The following NPHP4 variants were observed in gnomAD, a reference collection of about 807,000 sequenced individuals.
The protein encoded by NPHP4 is nephrocystin 4, also known as nephrocystin-4.
Under a neutral mutation model 155.8 loss-of-function variants are expected in NPHP4, and 151 were observed. That is an observed-to-expected ratio of 0.97 (90% CI 0.85 to 1.11). The LOEUF is 1.11. Among genes scored for constraint, NPHP4 ranks in the 50% least tolerant of loss-of-function variants. NPHP4 has a pLI of 0.00. For missense variants in NPHP4, 1,956 were observed against 1,925.7 expected (o/e 1.02, Z -0.29); for synonymous variants, 845 against 816.8 (o/e 1.03, Z -0.59).
chr1:5,927,725 C>G lies in NPHP4; in HGVS notation c.1365G>C (p.Leu455=). ...FQFSLGSEEH[L]DAPTEPVSGP... ...CACTGACAGGCTCCGTGGGTGCATC[C>G]AGGTGTTCTTCTGAGCCCAGCGAGA... Residue 455 remains leucine, a synonymous_variant, in exon 11 of 30, where the codon CTG becomes CTC. Coordinates refer to ENST00000378156, the MANE Select transcript of NPHP4 (RefSeq NM_015102.5). 6.2e-7 allele frequency: 1 copy of G among 1,613,576 alleles called. No individual in the cohort carries two copies. Among genetic ancestry groups the G allele is most frequent in the Non-Finnish European group, 8.5e-7 (1 of 1,179,610 alleles).
At chr1:5,968,791 C>T (rs533283620) in intron 4 of NPHP4, among the ~76,000 whole-genome samples, 1 of 152,018 alleles carries the variant, frequency 6.6e-6, no homozygotes, top group Non-Finnish European at 1.5e-5. Context: ...CAAAAATTAG[C>T]CAGACATGGT....
rs984522161 is a variant in NPHP4 at position 5,879,826 on chromosome 1, C to G, written c.2611+288G>C. Among the ~76,000 whole-genome samples the G allele has an allele frequency of 2.2e-3, 225 of 104,036 alleles. 1 individual carries two copies. The highest frequency in any genetic ancestry group is 8.4e-3 in the African/African-American group (212 of 25,266). 68.3% of individuals were successfully genotyped at this position (104,036 alleles called of 152,430 possible). On this transcript the variant is annotated intron_variant, in intron 19 of 29. Transcript: ENST00000378156. ...ACACACACACACGCAAACACACACACACACGCAAACACACACAGACACGCA... is the reference window on the plus strand; with the variant it reads ...ACACACACACACGCAAACACACACAGACACGCAAACACACACAGACACGCA...
At position 5,866,521 on chromosome 1, in the gene NPHP4, TA is replaced by T. The variant is rs35241273; in HGVS notation, c.3559-64del. 39,029 of 962,464 alleles carry T rather than the reference TA, an allele frequency of 0.041. 989 individuals carry two copies. The highest frequency in any genetic ancestry group is 0.051 in the African/African-American group (3,178 of 62,868). 59.6% of individuals were successfully genotyped at this position (962,464 alleles called of 1,614,324 possible). On this transcript the variant is annotated intron_variant, in intron 25 of 29. Transcript: ENST00000378156. ...GCTCTGCCGACCCCAGCCTGGCCCC[TA>T]AATCTGTGACTAATACACGCAGCGA...
At chr1:5,863,857 C>A in intron 29 of NPHP4, 33 bp downstream of exon 29, 2 of 1,612,242 alleles carry the variant, frequency 1.2e-6, no homozygotes, top group Non-Finnish European at 1.7e-6. Context: ...CCCGGGTCTT[C>A]CCCTAGGAGT....
At chr1:5,976,003 G>A (rs1653496890) in intron 3 of NPHP4, among the ~76,000 whole-genome samples, 1 of 152,188 alleles carries the variant, frequency 6.6e-6, no homozygotes, top group Non-Finnish European at 1.5e-5. Flanking sequence ...GAGGGGTTGA[G>A]GGAGGAGGAG....
At chr1:5,967,442 C>T (rs774403186) in intron 4 of NPHP4, 79 bp from the exon 5 acceptor site, 7 of 1,044,768 alleles carry the variant, frequency 6.7e-6, no homozygotes, top group Non-Finnish European at 1.0e-5. Flanking sequence ...GCCTCAGCCA[C>T]CACCACGCCC....
At chr1:5,912,415 G>A (rs1645226678) in intron 11 of NPHP4, among the ~76,000 whole-genome samples, 2 of 151,998 alleles carry the variant, frequency 1.3e-5, no homozygotes, top group Non-Finnish European at 2.9e-5. Flanking sequence ...GTGGGCACCT[G>A]TAGTCCCAGC....
At chr1:5,961,671 T>C (rs969951110) in intron 6 of NPHP4, 123 bp downstream of exon 6, 1 of 847,376 alleles carries the variant, frequency 1.2e-6, no homozygotes, top group East Asian at 2.7e-5. Context: ...CAGGCCGTGC[T>C]GCTGAGCTGC....
Position 5,866,278 on chromosome 1 carries a change from G to A in NPHP4, c.3644+95C>T, listed in dbSNP as rs116211888. On this transcript the variant is annotated intron_variant, in intron 26 of 29. Coordinates refer to ENST00000378156, the MANE Select transcript of NPHP4 (RefSeq NM_015102.5). The stretch of plus-strand genomic sequence containing the variant: ...CCGAAAGCTCCCCCAATTTTAGGAA[G>A]GGGCCAAGCCCACTTTCAATCCACC... 859 of 835,282 alleles carry A rather than the reference G, an allele frequency of 1.0e-3. 4 individuals carry two copies. The African/African-American group carries it at 0.013, about 13-fold the overall frequency. 51.7% of individuals were successfully genotyped at this position (835,282 alleles called of 1,614,324 possible). A position where few individuals can be genotyped will look rare whatever the true frequency, so the allele number is the denominator to read the frequency against.
chr1:5,986,102 C>T, intron 2 of NPHP4, 53 bp downstream of exon 2: 1 of 1,602,368 alleles, frequency 6.2e-7, no homozygotes, highest in Non-Finnish European at 8.5e-7. Context: ...AACTGGAAGC[C>T]TCATGTCAGC....
intron 16 of NPHP4, among the ~76,000 whole-genome samples, chr1:5,896,158 T>C (rs1644386224): frequency 1.3e-5 from 2 of 152,122 alleles, no homozygotes; most frequent in African/African-American, 4.8e-5. Flanking sequence ...AAACGAAAAG[T>C]CTGGTTACTG....
intron 9 of NPHP4, among the ~76,000 whole-genome samples, chr1:5,943,947 C>T (rs1274666254): frequency 2.6e-5 from 4 of 151,878 alleles, no homozygotes; most frequent in Non-Finnish European, 4.4e-5. Flanking sequence ...GAGACATGAG[C>T]GATAAATTGG....
chr1:5,881,951 A>G (rs1264788793), intron 18 of NPHP4: 1 of 152,296 alleles, frequency 6.6e-6, no homozygotes, highest in Non-Finnish European at 1.5e-5. Flanking sequence ...GCACGAGCAC[A>G]AATGCAGAAT....
intron 2 of NPHP4, among the ~76,000 whole-genome samples, chr1:5,984,967 T>C (rs1010162190): frequency 6.6e-6 from 1 of 151,948 alleles, no homozygotes; most frequent in Non-Finnish European, 1.5e-5. Flanking sequence ...AAAACGGGAG[T>C]AAGGTGGTGG....
chr1:5,923,049 G>A (rs957718603), intron 11 of NPHP4, among the ~76,000 whole-genome samples: 3 of 152,178 alleles, frequency 2.0e-5, no homozygotes, highest in African/African-American at 7.2e-5. Flanking sequence ...GAAAATAAAT[G>A]CAGCGTATGG....
rs1163449055 is a variant in NPHP4, at chr1:5,904,482, C to T, written c.2143+135G>A. 6.2e-6 allele frequency: 4 copies of T among 640,122 alleles called. No individual in the cohort carries two copies. In the Admixed American group the frequency reaches 1.3e-4, roughly 21 times the overall value. The allele number at this position is 640,122 out of a possible 1,614,324, so 39.7% of individuals were successfully genotyped here. A position where few individuals can be genotyped will look rare whatever the true frequency, so the allele number is the denominator to read the frequency against. On this transcript the variant is annotated intron_variant, in intron 16 of 29. Coordinates refer to ENST00000378156, the MANE Select transcript of NPHP4 (RefSeq NM_015102.5). ...AGCTGCTGGGGCTAAGTGTTTGCTG[C>T]ACTGGTCACCGTATGATTCTAATGT... is the stretch of plus-strand genomic sequence containing the variant.
chr1:5,907,290 T>C (rs956121041), intron 12 of NPHP4, 68 bp from the exon 13 acceptor site: 7 of 998,154 alleles, frequency 7.0e-6, no homozygotes, highest in African/African-American at 1.6e-5. Flanking sequence ...GCTCCCAACA[T>C]GCACTGGCCA....
intron 3 of NPHP4, among the ~76,000 whole-genome samples, chr1:5,971,415 G>A (rs994563669): frequency 6.6e-6 from 1 of 152,202 alleles, no homozygotes; most frequent in Non-Finnish European, 1.5e-5. Context: ...TGATTGATAA[G>A]GACATATGTT....
intron 1 of NPHP4, among the ~76,000 whole-genome samples, chr1:5,988,584 C>T (rs916472111): frequency 2.6e-5 from 4 of 152,200 alleles, no homozygotes; most frequent in Admixed American, 2.0e-4. Flanking sequence ...GTAGATATAA[C>T]TCACATAAAC....
Sources: allele counts gnomAD v4.1 joint callset (sites outside exome capture counted in the v4.1 genomes callset), GRCh38; gene constraint gnomAD v4.1.1; transcripts MANE v1.5; gene names NCBI Gene and HGNC (gene_info 2026-07-23, HGNC 2026-07-21).